The following CAMK4 variants were observed in gnomAD, a reference collection of about 807,000 sequenced individuals.
The protein encoded by CAMK4 is calcium/calmodulin-dependent protein kinase type IV.
Under a neutral mutation model 44.9 loss-of-function variants are expected in CAMK4, and 22 were observed. The ratio of observed to expected loss-of-function variants is 0.49; its 90% CI spans 0.35 to 0.70. The LOEUF is 0.70. Among genes scored for constraint, CAMK4 ranks in the 30% least tolerant of loss-of-function variants. The pLI, the probability that CAMK4 is intolerant of heterozygous loss-of-function variation, is 0.01. For synonymous variants in CAMK4, 218 were observed against 215.4 expected, an observed-to-expected ratio of 1.01 and a Z score of -0.11; for missense variants, 498 against 586.8, an observed-to-expected ratio of 0.85 and a Z score of 1.56.
intron 1 of CAMK4, among the ~76,000 whole-genome samples, chr5:111,329,737 A>G (rs1185836047): frequency 6.6e-6 from 1 of 151,758 alleles, no homozygotes; most frequent in African/African-American, 2.4e-5. Flanking sequence ...TCATACAGTC[A>G]TCTCAATAAA....
At chr5:111,410,908 G>A (rs1435361369) in intron 5 of CAMK4, among the ~76,000 whole-genome samples, 1 of 152,074 alleles carries the variant, frequency 6.6e-6, no homozygotes, top group Admixed American at 6.6e-5. Flanking sequence ...CACTTCCTAG[G>A]TGTTGGTAGA....
chr5:111,434,415 C>G (rs1753574652), intron 5 of CAMK4, among the ~76,000 whole-genome samples: 1 of 152,050 alleles, frequency 6.6e-6, no homozygotes, highest in Non-Finnish European at 1.5e-5. Context: ...GACTGATTGG[C>G]CAAGGCCGGT....
rs553726803 is a variant in CAMK4, at chr5:111,269,127, G to A, written c.161+44483G>A. On this transcript the variant is annotated intron_variant, in intron 1 of 10. Transcript: ENST00000282356. ...GAAATGCTTTTATAGTTTTGTGCAT[G>A]GAAACTGTAAACATGCCCATCATGT... Among the ~76,000 whole-genome samples the A allele has an allele frequency of 1.1e-3, 162 of 152,288 alleles. 1 individual carries two copies. The highest frequency in any genetic ancestry group is 3.7e-3 in the African/African-American group (155 of 41,558).
chr5:111,273,103 T>A (rs1328299456), intron 1 of CAMK4, among the ~76,000 whole-genome samples: 1 of 152,178 alleles, frequency 6.6e-6, no homozygotes, highest in Non-Finnish European at 1.5e-5. Context: ...GGACACATTA[T>A]TGTGTCAAAA....
intron 9 of CAMK4, among the ~76,000 whole-genome samples, chr5:111,479,881 G>C (rs986860843): frequency 6.6e-6 from 1 of 151,844 alleles, no homozygotes; most frequent in Non-Finnish European, 1.5e-5. Context: ...TCTCTCCCCC[G>C]GACCACTGCC....
At chr5:111,296,978 G>T (rs750341121) in intron 1 of CAMK4, among the ~76,000 whole-genome samples, 4 of 152,220 alleles carry the variant, frequency 2.6e-5, no homozygotes, top group Non-Finnish European at 4.4e-5. Context: ...TTTTAAAGGT[G>T]AAAACTTTAA....
chr5:111,314,481 T>A (rs1748336952), intron 1 of CAMK4, among the ~76,000 whole-genome samples: 4 of 152,108 alleles, frequency 2.6e-5, no homozygotes, highest in Admixed American at 2.6e-4. Context: ...TTCAAAAGTT[T>A]GCTTAATTAA....
At chr5:111,435,342 C>G (rs1461935667) in intron 5 of CAMK4, among the ~76,000 whole-genome samples, 1 of 151,996 alleles carries the variant, frequency 6.6e-6, no homozygotes, top group Non-Finnish European at 1.5e-5. Context: ...TTTTCTTTCT[C>G]CAGTACATTC....
chr5:111,272,824 G>C (rs991645611), intron 1 of CAMK4, among the ~76,000 whole-genome samples: 6 of 152,082 alleles, frequency 3.9e-5, no homozygotes, highest in African/African-American at 1.4e-4. Context: ...GAGTGTTTAT[G>C]AACTACTTAG....
rs1324106270 is a variant in CAMK4, at chr5:111,224,644, G to A, written c.161G>A (p.Arg54Gln). Residue 54 changes from arginine to glutamine, a missense_variant and splice_region_variant, in exon 1 of 11, where the codon CGG becomes CAG. Transcript: ENST00000282356. The surrounding 1 kb of genome is among the most constrained non-coding windows in gnomAD (Gnocchi z 5.7). ...DFFEVESELG[R>Q]GATSIVYRCK... ...TTCGAGGTGGAGTCGGAGCTGGGACGGTAAGGCGCGGGCTCCGGCTGGGGA... is the reference window on the plus strand; with the variant it reads ...TTCGAGGTGGAGTCGGAGCTGGGACAGTAAGGCGCGGGCTCCGGCTGGGGA... 1.9e-6 allele frequency: 3 copies of A among 1,603,780 alleles called. No homozygotes were observed. The highest frequency in any genetic ancestry group is 1.7e-5 in the Admixed American group (1 of 59,230).
At chr5:111,472,858 C>T (rs955326872) in intron 7 of CAMK4, among the ~76,000 whole-genome samples, 6 of 152,294 alleles carry the variant, frequency 3.9e-5, no homozygotes, top group East Asian at 3.9e-4. Flanking sequence ...CTGGTTCCCA[C>T]CCTGCACACT....
At chr5:111,332,246 A>C (rs1438364208) in intron 1 of CAMK4, among the ~76,000 whole-genome samples, 1 of 63,106 alleles carries the variant, frequency 1.6e-5, no homozygotes, top group Admixed American at 2.1e-4. Flanking sequence ...CCACCCCACA[A>C]CAGTCCCGGA....
intron 2 of CAMK4, among the ~76,000 whole-genome samples, chr5:111,351,262 T>G (rs918013071): frequency 2.6e-5 from 4 of 152,164 alleles, no homozygotes; most frequent in African/African-American, 9.6e-5. Flanking sequence ...TGAATCTAGA[T>G]GTACTGTATT....
chr5:111,420,251 G>T (rs1373970477), intron 5 of CAMK4, among the ~76,000 whole-genome samples: 4 of 152,048 alleles, frequency 2.6e-5, no homozygotes, highest in Admixed American at 1.3e-4. Context: ...GTCTGTTATT[G>T]GTGTATAAGA....
At chr5:111,430,922 T>C (rs985302535) in intron 5 of CAMK4, among the ~76,000 whole-genome samples, 3 of 151,996 alleles carry the variant, frequency 2.0e-5, no homozygotes, top group East Asian at 1.9e-4. Context: ...AAAATACAAA[T>C]GACATTCTGT....
chr5:111,440,603 T>C (rs1449186003), intron 5 of CAMK4, among the ~76,000 whole-genome samples: 1 of 127,038 alleles, frequency 7.9e-6, no homozygotes, highest in African/African-American at 2.5e-5. Context: ...GGGTAGAAGA[T>C]TTGTGGCAAA....
rs778019866 is a variant in CAMK4 at position 111,482,742 on chromosome 5, A to G, written c.829-43A>G. The G allele has an allele frequency of 1.0e-5, 16 of 1,532,074 alleles. No individual in the cohort carries two copies. The highest frequency in any genetic ancestry group is 1.9e-5 in the Admixed American group (1 of 52,670). 94.9% of individuals were successfully genotyped at this position (1,532,074 alleles called of 1,614,324 possible). On this transcript the variant is annotated intron_variant, in intron 9 of 10. Transcript: ENST00000282356. The surrounding 1 kb of genome is among the most constrained non-coding windows in gnomAD (Gnocchi z 4.9). Reference sequence around the variant, plus strand: ...TGTAAGCTGAGGGCAAGCCCAGGTCATCCTAAAAACCTCGCTAAGTTTATG... The same window carrying G: ...TGTAAGCTGAGGGCAAGCCCAGGTCGTCCTAAAAACCTCGCTAAGTTTATG...
At chr5:111,353,806 G>T (rs759795267) in intron 2 of CAMK4, among the ~76,000 whole-genome samples, 9 of 152,066 alleles carry the variant, frequency 5.9e-5, no homozygotes, top group Non-Finnish European at 1.0e-4. Context: ...TGAAAGATCT[G>T]TACTCTGAAA....
chr5:111,409,606 G>A (rs1580714502), intron 5 of CAMK4, among the ~76,000 whole-genome samples: 1 of 152,182 alleles, frequency 6.6e-6, no homozygotes, highest in Admixed American at 6.5e-5. Flanking sequence ...TCTACAGCAG[G>A]CTTGAATGTC....
Sources: gnomAD v4.1 joint callset for allele counts (sites outside exome capture counted in the v4.1 genomes callset) on GRCh38, gnomAD v4.1.1 for gene constraint, Gnocchi (gnomAD v3.1) non-coding constraint, MANE v1.5 for transcripts, NCBI Gene and HGNC (gene_info 2026-07-23, HGNC 2026-07-21) for gene names.